Variants in C9orf85 observed in about 807,000 individuals in gnomAD.
The protein encoded by C9orf85 is chromosome 9 open reading frame 85.
C9orf85 carries 16 observed loss-of-function variants against 14.9 expected under a neutral mutation model. The ratio of observed to expected loss-of-function variants is 1.08; its 90% confidence interval spans 0.73 to 1.63. C9orf85 has a LOEUF of 1.63. Among genes scored for constraint, C9orf85 ranks in the 40% most tolerant of loss-of-function variants. The pLI, the probability that C9orf85 is intolerant of heterozygous loss-of-function variation, is 0.00. For synonymous variants in C9orf85, 45 were observed against 56.8 expected (o/e 0.79, Z 0.93); for missense variants, 172 against 186.1 (o/e 0.92, Z 0.44).
chr9:71,965,179 T>C (rs1425949733), intron 2 of C9orf85, among the ~76,000 whole-genome samples: 1 of 152,218 alleles, frequency 6.6e-6, no homozygotes, highest in Admixed American at 6.5e-5. Flanking sequence ...AGGGTAGCCA[T>C]TGCCGGCTTG....
At chr9:71,964,762 G>C (rs1173509308) in intron 2 of C9orf85, among the ~76,000 whole-genome samples, 1 of 152,200 alleles carries the variant, frequency 6.6e-6, no homozygotes, top group Non-Finnish European at 1.5e-5. Context: ...TCTCTGACCT[G>C]GGGTGCTTGG....
At chr9:71,970,861 C>A (rs1161287035) in intron 2 of C9orf85, among the ~76,000 whole-genome samples, 1 of 147,170 alleles carries the variant, frequency 6.8e-6, no homozygotes, top group African/African-American at 2.5e-5. Context: ...TGGAGTCCCA[C>A]TCTTGCCCAG....
intron 1 of C9orf85, among the ~76,000 whole-genome samples, chr9:71,927,048 T>G (rs1411737544): frequency 6.6e-6 from 1 of 151,736 alleles, no homozygotes; most frequent in Non-Finnish European, 1.5e-5. Context: ...TAAACTCCAG[T>G]GGTAAAGAGA....
chr9:71,963,585 C>T (rs552255078), intron 2 of C9orf85, among the ~76,000 whole-genome samples: 2 of 152,310 alleles, frequency 1.3e-5, no homozygotes, highest in African/African-American at 4.8e-5. Flanking sequence ...CGCTTGCGGG[C>T]CAGCTGGAGT....
chr9:71,952,202 A>G (rs1049751794), intron 2 of C9orf85, among the ~76,000 whole-genome samples: 9 of 152,184 alleles, frequency 5.9e-5, no homozygotes, highest in Admixed American at 2.0e-4. Flanking sequence ...ATTTCTCAGC[A>G]TTGTATTATT....
chr9:71,985,867 G>A (rs1275990710), downstream of C9orf85: 1 of 152,162 alleles, frequency 6.6e-6, no homozygotes, highest in Non-Finnish European at 1.5e-5. Flanking sequence ...ATATGGATGA[G>A]GAGGAGGAAA....
intron 2 of C9orf85, among the ~76,000 whole-genome samples, chr9:71,967,973 A>G (rs768749982): frequency 1.3e-5 from 2 of 151,994 alleles, no homozygotes; most frequent in Admixed American, 6.6e-5. Context: ...AGCTTTTTTC[A>G]CATCTAATAA....
intron 1 of C9orf85, among the ~76,000 whole-genome samples, chr9:71,935,851 C>T (rs981490801): frequency 1.3e-5 from 2 of 151,934 alleles, no homozygotes; most frequent in Non-Finnish European, 2.9e-5. Context: ...CTCAACTATA[C>T]ACATAAAAAT....
At chr9:71,920,891 C>A (rs1036350109) in intron 1 of C9orf85, among the ~76,000 whole-genome samples, 1 of 152,110 alleles carries the variant, frequency 6.6e-6, no homozygotes, top group Non-Finnish European at 1.5e-5. Flanking sequence ...TTAATGGACC[C>A]CCCCTTTCAG....
intron 2 of C9orf85, among the ~76,000 whole-genome samples, chr9:71,959,364 C>T (rs1015646013): frequency 3.4e-4 from 51 of 151,886 alleles, no homozygotes; most frequent in African/African-American, 1.2e-3. Context: ...CTCAAACTCC[C>T]GACCTCAGAT....
intron 2 of C9orf85, among the ~76,000 whole-genome samples, chr9:71,962,925 G>A (rs1294024502): frequency 2.0e-5 from 3 of 152,006 alleles, no homozygotes; most frequent in Admixed American, 6.6e-5. Flanking sequence ...GTGTAGTGGT[G>A]CGTGGCTATA....
intron 1 of C9orf85, among the ~76,000 whole-genome samples, chr9:71,939,115 G>A (rs908428449): frequency 4.6e-5 from 7 of 151,258 alleles, no homozygotes; most frequent in Admixed American, 6.6e-5. Flanking sequence ...GTAAAGACTC[G>A]TTTTAGCTCT....
downstream of C9orf85, among the ~76,000 whole-genome samples, chr9:71,976,448 G>T (rs1564103578): frequency 6.6e-6 from 1 of 152,128 alleles, no homozygotes; most frequent in Non-Finnish European, 1.5e-5. Flanking sequence ...GGATCACGAG[G>T]TCAGGAGATC....
intron 2 of C9orf85, among the ~76,000 whole-genome samples, chr9:71,948,103 T>G (rs905459720): frequency 2.0e-5 from 3 of 152,250 alleles, no homozygotes; most frequent in Non-Finnish European, 4.4e-5. Flanking sequence ...ATTAGCATTG[T>G]TCCTTTTACA....
At chr9:71,964,882 G>A (rs374608519) in intron 2 of C9orf85, among the ~76,000 whole-genome samples, 7 of 152,314 alleles carry the variant, frequency 4.6e-5, no homozygotes, top group Admixed American at 2.0e-4. Flanking sequence ...CTAGTGTTTA[G>A]CTCAGTTAGG....
At chr9:71,946,021 T>C (rs1301132129) in intron 1 of C9orf85, among the ~76,000 whole-genome samples, 1 of 152,226 alleles carries the variant, frequency 6.6e-6, no homozygotes, top group Non-Finnish European at 1.5e-5. Flanking sequence ...CTATCTTCCT[T>C]CTTTCCCAAC....
At chr9:71,964,438 C>T (rs1433633694) in intron 2 of C9orf85, among the ~76,000 whole-genome samples, 1 of 152,076 alleles carries the variant, frequency 6.6e-6, no homozygotes, top group South Asian at 2.1e-4. Flanking sequence ...TAACACTCAC[C>T]GCAAAGGTCT....
chr9:71,927,561 A>G (rs1827961258), intron 1 of C9orf85, among the ~76,000 whole-genome samples: 1 of 152,208 alleles, frequency 6.6e-6, no homozygotes, highest in African/African-American at 2.4e-5. Context: ...AGAAGCCACA[A>G]ACAAGAAAAA....
chr9:71,916,652 T>C, intron 1 of C9orf85, among the ~76,000 whole-genome samples: 1 of 152,310 alleles, frequency 6.6e-6, no homozygotes, highest in East Asian at 1.9e-4. Context: ...GGAAATATAG[T>C]TTTATTAATA....
Sources: allele counts gnomAD v4.1 joint callset (sites outside exome capture counted in the v4.1 genomes callset), GRCh38; gene constraint gnomAD v4.1.1; transcripts MANE v1.5; gene names NCBI Gene and HGNC (gene_info 2026-07-23, HGNC 2026-07-21).